The following GRID1 variants were observed in gnomAD, a reference collection of about 807,000 sequenced individuals.
GRID1 encodes the protein glutamate receptor ionotropic, delta-1.
GRID1 carries 28 observed loss-of-function variants against 98.0 expected under a neutral mutation model. The observed-to-expected ratio is 0.29, with a 90% CI of 0.21 to 0.39. The LOEUF (loss-of-function observed/expected upper bound fraction) is 0.39. Among genes scored for constraint, GRID1 ranks in the 10% least tolerant of loss-of-function variants. The pLI is 1.00. For missense variants in GRID1, 1,111 were observed against 1,340.5 expected (o/e 0.83, Z 2.67); for synonymous variants, 553 against 538.5 (o/e 1.03, Z -0.37).
chr10:86,084,976 A>G (rs1589365848), intron 4 of GRID1, among the ~76,000 whole-genome samples: 1 of 152,228 alleles, frequency 6.6e-6, no homozygotes, highest in Non-Finnish European at 1.5e-5. Context: ...CACAACACTG[A>G]AAATGTACCT....
intron 12 of GRID1, among the ~76,000 whole-genome samples, chr10:85,679,161 A>C (rs1841179090): frequency 6.6e-6 from 1 of 152,180 alleles, no homozygotes; most frequent in Admixed American, 6.5e-5. Flanking sequence ...CCTCCAGGGA[A>C]TTCTGCTTAT....
chr10:85,727,759 G>C (rs928561286), intron 10 of GRID1, 96 bp downstream of exon 10: 30 of 876,132 alleles, frequency 3.4e-5, no homozygotes, highest in Non-Finnish European at 5.3e-5. Flanking sequence ...TGTTTAGCTG[G>C]TCCCAAGGTT....
intron 4 of GRID1, among the ~76,000 whole-genome samples, chr10:86,131,032 G>A (rs777037556): frequency 1.2e-4 from 19 of 152,278 alleles, no homozygotes; most frequent in South Asian, 2.1e-4. Flanking sequence ...TTATCTCACC[G>A]GCACCAGGAG....
intron 8 of GRID1, among the ~76,000 whole-genome samples, chr10:85,802,961 G>A (rs988006768): frequency 3.4e-4 from 52 of 151,798 alleles, no homozygotes; most frequent in African/African-American, 1.3e-3. Flanking sequence ...GAGACAGAGA[G>A]TAATTGGTAC....
chr10:86,175,171 G>A (rs536802918), intron 3 of GRID1, among the ~76,000 whole-genome samples: 45 of 152,278 alleles, frequency 3.0e-4, no homozygotes, highest in African/African-American at 1.0e-3. Flanking sequence ...GGAAGTATAT[G>A]TGTTTAGATA....
At chr10:85,976,477 T>A (rs974519565) in intron 4 of GRID1, among the ~76,000 whole-genome samples, 7 of 152,228 alleles carry the variant, frequency 4.6e-5, no homozygotes, top group Admixed American at 1.3e-4. Flanking sequence ...TGGCACCTCC[T>A]TCAGGTGAGT....
intron 2 of GRID1, among the ~76,000 whole-genome samples, chr10:86,232,970 T>C (rs12774422): frequency 0.17 from 26,558 of 152,166 alleles, 2,826 homozygotes; most frequent in Middle Eastern, 0.29. Context: ...CATTTATTAT[T>C]AATGCTTGGC....
intron 12 of GRID1, among the ~76,000 whole-genome samples, chr10:85,688,035 C>G (rs968297173): frequency 5.3e-5 from 8 of 152,152 alleles, no homozygotes; most frequent in African/African-American, 1.9e-4. Context: ...TAAGTCAAAA[C>G]AGATTCACAG....
Position 85,600,492 on chromosome 10 carries a change from A to T in GRID1, c.*1781T>A, listed in dbSNP as rs1317093095. On this transcript the variant is annotated 3_prime_UTR_variant, in exon 16 of 16. Transcript: ENST00000327946. ...ACCCTCATAAATACATCTCTCTAGA[A>T]ACTCTACAAGGCTATAGAAGAAGCA... is the stretch of plus-strand genomic sequence containing the variant. 6.6e-6 allele frequency: 1 copy of T among 152,222 alleles called. No homozygotes were observed. The highest frequency in any genetic ancestry group is 1.9e-4 in the East Asian group (1 of 5,190). The allele number at this position is 152,222 out of a possible 1,614,324, so 9.4% of individuals were successfully genotyped here. A position where few individuals can be genotyped will look rare whatever the true frequency, so the allele number is the denominator to read the frequency against.
intron 8 of GRID1, among the ~76,000 whole-genome samples, chr10:85,806,344 A>G (rs976606902): frequency 5.3e-5 from 8 of 152,180 alleles, no homozygotes; most frequent in African/African-American, 7.2e-5. Context: ...TGGAAATTCC[A>G]TATATTTCTG....
intron 3 of GRID1, among the ~76,000 whole-genome samples, chr10:86,173,500 T>A (rs1402495395): frequency 2.6e-5 from 4 of 152,164 alleles, no homozygotes; most frequent in Non-Finnish European, 5.9e-5. Flanking sequence ...AGTCTATACA[T>A]ATAGCCAATT....
At position 85,611,574 on chromosome 10, in the gene GRID1, C is replaced by T. The variant is rs137949962; in HGVS notation, c.2601+1833G>A. 4.9e-4 allele frequency among the ~76,000 whole-genome samples: 74 copies of T among 152,316 alleles called. No homozygotes were observed. The East Asian group carries it at 0.01, about 21-fold the overall frequency. On this transcript the variant is annotated intron_variant, in intron 15 of 15. Coordinates refer to ENST00000327946, the MANE Select transcript of GRID1 (RefSeq NM_017551.3). ...CAAGCAAAATCCAAAACAAACAACA[C>T]GGAGCGGGTGCAACGTGTGCCAATT... is the stretch of plus-strand genomic sequence containing the variant.
At chr10:85,859,289 A>G (rs1843141794) in intron 6 of GRID1, among the ~76,000 whole-genome samples, 1 of 152,164 alleles carries the variant, frequency 6.6e-6, no homozygotes, top group African/African-American at 2.4e-5. Context: ...AAATGGAAGG[A>G]TAGATGAGTG....
At chr10:86,204,421 G>A (rs191692898) in intron 3 of GRID1, among the ~76,000 whole-genome samples, 130 of 152,330 alleles carry the variant, frequency 8.5e-4, no homozygotes, top group African/African-American at 2.8e-3. Flanking sequence ...TGAGAGTCAG[G>A]ACAAGCCAAG....
At chr10:86,342,428 C>T (rs1008113928) in intron 2 of GRID1, among the ~76,000 whole-genome samples, 1 of 152,210 alleles carries the variant, frequency 6.6e-6, no homozygotes, top group Non-Finnish European at 1.5e-5. Context: ...TCCCAGTACA[C>T]ACACACTCCA....
intron 4 of GRID1, among the ~76,000 whole-genome samples, chr10:85,930,898 G>A (rs1232788332): frequency 6.6e-6 from 1 of 152,072 alleles, no homozygotes; most frequent in Non-Finnish European, 1.5e-5. Flanking sequence ...CTGGAGTGCA[G>A]TGGTGCGATC....
rs150949818 is a variant in GRID1 at position 86,000,067 on chromosome 10, T to C, written c.727-83828A>G. Among the ~76,000 whole-genome samples, 1,330 of 152,306 alleles carry C rather than the reference T, an allele frequency of 8.7e-3. 24 individuals carry two copies. Among genetic ancestry groups the C allele is most frequent in the African/African-American group, 0.03 (1,237 of 41,556 alleles). ...TTCACAACCAACAATAATGTCTATA[T>C]AGAAAACCTCAATTAACTTACAAAA... On this transcript the variant is annotated intron_variant, in intron 4 of 15. Transcript: ENST00000327946.
intron 8 of GRID1, among the ~76,000 whole-genome samples, chr10:85,760,510 A>C (rs1041902141): frequency 6.6e-6 from 1 of 152,290 alleles, no homozygotes; most frequent in Admixed American, 6.5e-5. Context: ...GGTTTCCACC[A>C]TTCATTTTCT....
chr10:86,217,753 A>G (rs1436948313), intron 2 of GRID1, among the ~76,000 whole-genome samples: 1 of 152,014 alleles, frequency 6.6e-6, no homozygotes, highest in Non-Finnish European at 1.5e-5. Context: ...TCAGGGAGGG[A>G]GCTACACGGT....
Sources: gnomAD v4.1 joint callset for allele counts (sites outside exome capture counted in the v4.1 genomes callset) on GRCh38, gnomAD v4.1.1 for gene constraint, MANE v1.5 for transcripts, NCBI Gene and HGNC (gene_info 2026-07-23, HGNC 2026-07-21) for gene names.